The following DOT1L variants were observed in gnomAD, a reference collection of about 807,000 sequenced individuals.
DOT1L encodes histone-lysine N-methyltransferase, H3 lysine-79 specific.
A neutral mutation model predicts 153.3 loss-of-function variants in DOT1L; 33 were observed. The ratio of observed to expected loss-of-function variants is 0.22; its 90% CI spans 0.16 to 0.29. The LOEUF is 0.29. DOT1L is among the 10% of genes least tolerant of loss of function. The pLI, the probability that DOT1L is intolerant of heterozygous loss-of-function variation, is 1.00. For missense variants in DOT1L, 1,847 were observed against 2,119.9 expected, an observed-to-expected ratio of 0.87 and a Z score of 2.53; for synonymous variants, 1,135 against 965.1, an observed-to-expected ratio of 1.18 and a Z score of -3.26.
chr19:2,225,273 C>T lies in DOT1L; in HGVS notation c.3597-115C>T, dbSNP rs1424470051. The T allele has an allele frequency of 7.7e-6, 8 of 1,036,638 alleles. No individual in the cohort carries two copies. The Admixed American group carries it at 9.0e-5, about 12-fold the overall frequency. The allele number at this position is 1,036,638 out of a possible 1,614,324, so 64.2% of individuals were successfully genotyped here. A position where few individuals can be genotyped will look rare whatever the true frequency, so the allele number is the denominator to read the frequency against. ...GGCTGCACGGGTCCCCTGTCTGGGC[C>T]GAGTGCTTCTCGTTCACCACCTCCG... On this transcript the variant is annotated intron_variant, in intron 25 of 27. Transcript: ENST00000398665.
chr19:2,213,593 G>T lies in DOT1L; in HGVS notation c.1612G>T (p.Ala538Ser), dbSNP rs754539898. The T allele has an allele frequency of 1.4e-5, 23 of 1,613,616 alleles. 1 individual carries two copies. The South Asian group carries it at 2.3e-4, about 16-fold the overall frequency. ...TCAGCAGCTCCTCAGCCACTGCCAGGCCCAGAAGGAGGAGATCAGGAGGCT... is the reference window on the plus strand; with the variant it reads ...TCAGCAGCTCCTCAGCCACTGCCAGTCCCAGAAGGAGGAGATCAGGAGGCT... ...AAQQLLSHCQ[A>S]QKEEIRRLFQ... Residue 538 changes from alanine to serine, a missense_variant, in exon 17 of 28, where the codon GCC (alanine) becomes TCC (serine). Physicochemically the swap from Ala to Ser is moderately conservative, Grantham distance 99. Coordinates refer to ENST00000398665, the MANE Select transcript of DOT1L (RefSeq NM_032482.3).
rs1480837456 is a variant in DOT1L at position 2,197,195 on chromosome 19, G to A, written c.651+2618G>A. Reference sequence around the variant, plus strand: ...GTTCTGCTGTCTTTGACCAGGACTTGCGCATCCAGGGCTGTGGGCCCGGCT... The same window carrying A: ...GTTCTGCTGTCTTTGACCAGGACTTACGCATCCAGGGCTGTGGGCCCGGCT... On this transcript the variant is annotated intron_variant, in intron 7 of 27. Coordinates refer to ENST00000398665, the MANE Select transcript of DOT1L (RefSeq NM_032482.3). The surrounding 1 kb of genome is among the most constrained non-coding windows in gnomAD (Gnocchi z 4.1). Among the ~76,000 whole-genome samples, 1 of 152,178 alleles carries A rather than the reference G, an allele frequency of 6.6e-6. No individual in the cohort carries two copies. The highest frequency in any genetic ancestry group is 1.5e-5 in the Non-Finnish European group (1 of 68,030).
intron 7 of DOT1L, among the ~76,000 whole-genome samples, chr19:2,196,895 C>T (rs993631468): frequency 3.3e-5 from 5 of 152,196 alleles, no homozygotes; most frequent in Non-Finnish European, 5.9e-5. Context: ...AGGATAAGCC[C>T]GTGGTCCTGA....
chr19:2,228,972 A>C lies in DOT1L; in HGVS notation c.4607-813A>C, dbSNP rs998287667. On this transcript the variant is annotated intron_variant, in intron 27 of 27. Coordinates refer to ENST00000398665, the MANE Select transcript of DOT1L (RefSeq NM_032482.3). ...GGCTGATGGGTTCCCGGCGGGGTCG[A>C]GAGGCAAGCTCTGTGCCCTGCGTGT... The C allele has an allele frequency of 8.1e-6, 8 of 985,240 alleles. No homozygotes were observed. The African/African-American group carries it at 1.2e-4, about 15-fold the overall frequency. 61.0% of individuals were successfully genotyped at this position (985,240 alleles called of 1,614,324 possible).
In DOT1L at chr19:2,210,673, C is replaced by T. The variant is rs780568743; in HGVS notation, c.1169C>T (p.Ser390Phe). ...GGAGCAGCCACCGTGAAGAAGCCGT[C>T]TCCCTCCAAAGCCCGCAAGAAGAAG... ...KAGAATVKKP[S>F]PSKARKKKLN... Residue 390 changes from serine to phenylalanine, a missense_variant, in exon 14 of 28, where the codon TCT becomes TTT. Transcript: ENST00000398665. The T allele has an allele frequency of 4.3e-6, 7 of 1,613,054 alleles. No individual in the cohort carries two copies. The highest frequency in any genetic ancestry group is 5.9e-6 in the Non-Finnish European group (7 of 1,179,928).
rs2024198197 is a variant in DOT1L at position 2,223,262 on chromosome 19, T to C, written c.3391-19T>C. 10 of 1,612,698 alleles carry C rather than the reference T, an allele frequency of 6.2e-6. No individual in the cohort carries two copies. The East Asian group carries it at 1.3e-4, about 22-fold the overall frequency. On this transcript the variant is annotated intron_variant, in intron 24 of 27. Coordinates refer to ENST00000398665, the MANE Select transcript of DOT1L (RefSeq NM_032482.3). ...CCGGGTCTGTGGTATGTGCATCCATTGTGTCTGTCTGCCCTCAGGTCAGTA... is the reference window on the plus strand; with the variant it reads ...CCGGGTCTGTGGTATGTGCATCCATCGTGTCTGTCTGCCCTCAGGTCAGTA...
chr19:2,210,026 GGA>G (rs2023651775), intron 12 of DOT1L, among the ~76,000 whole-genome samples: 2 of 150,716 alleles, frequency 1.3e-5, no homozygotes, highest in Non-Finnish European at 3.0e-5. Context: ...TTCGAAGAGA[GGA>G]GAGAGGGCAG....
intron 1 of DOT1L, among the ~76,000 whole-genome samples, chr19:2,170,285 C>G (rs1225759297): frequency 2.0e-5 from 3 of 152,188 alleles, no homozygotes; most frequent in Admixed American, 2.0e-4. Context: ...AGATGCCTTT[C>G]CACGCTTGCC....
In DOT1L at chr19:2,164,223, G is replaced by C. The variant is rs752071771; in HGVS notation, c.39G>C (p.Val13=). ...EKLELRLKSP[V]GAEPAVYPWP... ...TGGAGCTGAGACTGAAGTCGCCCGT[G>C]GGGGCTGAGCCCGCCGTCTACCCGT... The change falls in exon 1 of 28, where the codon GTG becomes GTC. Residue 13 remains valine (V), a synonymous_variant. Transcript: ENST00000398665. The C allele has an allele frequency of 3.1e-6, 4 of 1,288,560 alleles. No homozygotes were observed. The East Asian group carries it at 1.2e-4, about 38-fold the overall frequency. 79.8% of individuals were successfully genotyped at this position (1,288,560 alleles called of 1,614,324 possible). A position where few individuals can be genotyped will look rare whatever the true frequency, so the allele number is the denominator to read the frequency against.
chr19:2,168,987 G>A (rs2020028538), intron 1 of DOT1L, among the ~76,000 whole-genome samples: 1 of 152,150 alleles, frequency 6.6e-6, no homozygotes, highest in Admixed American at 6.5e-5. Context: ...ATTATTGGTT[G>A]TTTGCTCGGA....
In DOT1L at chr19:2,220,677, G is replaced by C; in HGVS notation, c.2806+455G>C. On this transcript the variant is annotated intron_variant, in intron 23 of 27. Transcript: ENST00000398665. The surrounding 1 kb of genome is among the most constrained non-coding windows in gnomAD (Gnocchi z 4.5). ...CTCTGCTGTTAGCCCAGTTTCTGCA[G>C]AGAGCCAGAGAGGATGCCACTTTGG... The C allele has an allele frequency of 2.7e-6, 1 of 371,784 alleles. No homozygotes were observed. Among genetic ancestry groups the C allele is most frequent in the Non-Finnish European group, 5.4e-6 (1 of 186,140 alleles). The allele number at this position is 371,784 out of a possible 1,614,324, so 23.0% of individuals were successfully genotyped here.
At chr19:2,215,035 G>C (rs1195749181) in intron 19 of DOT1L, among the ~76,000 whole-genome samples, 1 of 152,076 alleles carries the variant, frequency 6.6e-6, no homozygotes, top group Non-Finnish European at 1.5e-5. Context: ...GGCCAACACA[G>C]TGGGACTCTG....
Position 2,190,894 on chromosome 19 carries a change from G to A in DOT1L, c.265-118G>A, listed in dbSNP as rs113478946. The A allele has an allele frequency of 1.3e-3, 1,235 of 938,688 alleles. 10 individuals are homozygous for A. The highest frequency in any genetic ancestry group is 0.01 in the African/African-American group (608 of 60,452). The allele number at this position is 938,688 out of a possible 1,614,324, so 58.1% of individuals were successfully genotyped here. ...GGAGCCCGGCAGCCACCCTGCAGGGGGACGAGAGGCCATGCAGCCGACTCC... is the reference window on the plus strand; with the variant it reads ...GGAGCCCGGCAGCCACCCTGCAGGGAGACGAGAGGCCATGCAGCCGACTCC... On this transcript the variant is annotated intron_variant, in intron 4 of 27. Coordinates refer to ENST00000398665, the MANE Select transcript of DOT1L (RefSeq NM_032482.3). This position sits in a 1 kb window ranked among gnomAD's most constrained non-coding sequence, Gnocchi z 4.8.
chr19:2,206,946 G>A, intron 10 of DOT1L, 149 bp downstream of exon 10: 1 of 781,510 alleles, frequency 1.3e-6, no homozygotes, highest in Non-Finnish European at 2.1e-6. Flanking sequence ...GCAGGGTGCT[G>A]AGCAGCGTCC....
At position 2,222,182 on chromosome 19, in the gene DOT1L, C is replaced by A. The variant is rs751897460; in HGVS notation, c.3013C>A (p.Gln1005Lys). ...CTCGCTTCCTGCCTCTCCCGCCCAC[C>A]AGCTCTCCTCCAGTCCCCGGCTTGG... ...RNSLPASPAH[Q>K]LSSSPRLGGA... The change falls in exon 24 of 28, where the codon CAG (glutamine) becomes AAG (lysine). Residue 1005 changes from glutamine (Q) to lysine (K), a missense_variant. Gln to Lys is a moderately conservative substitution (Grantham distance 53). Coordinates refer to ENST00000398665, the MANE Select transcript of DOT1L (RefSeq NM_032482.3). This position sits in a 1 kb window ranked among gnomAD's most constrained non-coding sequence, Gnocchi z 6.5. 6.2e-7 allele frequency: 1 copy of A among 1,613,138 alleles called. No homozygotes were observed. The highest frequency in any genetic ancestry group is 1.7e-5 in the Admixed American group (1 of 60,018).
intron 1 of DOT1L, among the ~76,000 whole-genome samples, chr19:2,170,955 A>T (rs12986413): frequency 0.46 from 70,224 of 151,724 alleles, 16,358 homozygotes; most frequent in Non-Finnish European, 0.47. Flanking sequence ...CCTGTCCTTT[A>T]GAGTGTTGTT....
In DOT1L at chr19:2,207,249, G is replaced by A. The variant is rs960472827; in HGVS notation, c.857-325G>A. On this transcript the variant is annotated intron_variant, in intron 10 of 27. Coordinates refer to ENST00000398665, the MANE Select transcript of DOT1L (RefSeq NM_032482.3). The surrounding 1 kb of genome is among the most constrained non-coding windows in gnomAD (Gnocchi z 4.5). ...GGGCTTCCCTGAGGAGCGCCCACCC[G>A]GGAGGTGCCTGTGTTGCTGGATGCT... Among the ~76,000 whole-genome samples the A allele has an allele frequency of 3.3e-5, 5 of 152,204 alleles. No individual in the cohort carries two copies. Among genetic ancestry groups the A allele is most frequent in the African/African-American group, 1.2e-4 (5 of 41,450 alleles).
intron 2 of DOT1L, among the ~76,000 whole-genome samples, chr19:2,182,367 C>T (rs1424513611): frequency 6.6e-6 from 1 of 151,714 alleles, no homozygotes; most frequent in Non-Finnish European, 1.5e-5. Flanking sequence ...ATAATGAGAC[C>T]CCAAGTCTAC....
At chr19:2,213,703 T>A in intron 17 of DOT1L, 63 bp downstream of exon 17, 2 of 1,604,654 alleles carry the variant, frequency 1.2e-6, no homozygotes, top group Non-Finnish European at 1.7e-6. Context: ...GTGGTCCATG[T>A]CCGTCGGTAT....
Sources: gnomAD v4.1 joint callset for allele counts (sites outside exome capture counted in the v4.1 genomes callset) on GRCh38, gnomAD v4.1.1 for gene constraint, Gnocchi (gnomAD v3.1) non-coding constraint, MANE v1.5 for transcripts, NCBI Gene and HGNC (gene_info 2026-07-23, HGNC 2026-07-21) for gene names.